Variants in EPHA6 observed in about 807,000 individuals in gnomAD.
EPHA6 encodes the protein ephrin type-A receptor 6.
In EPHA6, 50 loss-of-function variants were observed where a neutral mutation model predicts 112.0. The ratio of observed to expected loss-of-function variants is 0.45; its 90% CI spans 0.36 to 0.56. EPHA6 has a LOEUF of 0.56. EPHA6 is among the 20% of genes least tolerant of loss of function. The pLI is 0.00. For missense variants in EPHA6, 1,280 were observed against 1,417.4 expected (o/e 0.90, Z 1.56); for synonymous variants, 529 against 490.7 (o/e 1.08, Z -1.03).
chr3:97,048,684 A>G (rs975765124), intron 3 of EPHA6, among the ~76,000 whole-genome samples: 4 of 152,218 alleles, frequency 2.6e-5, no homozygotes, highest in Non-Finnish European at 4.4e-5. Context: ...AAAAATTATT[A>G]ATTTAACCAA....
chr3:97,691,560 A>G (rs1419107592), intron 14 of EPHA6, among the ~76,000 whole-genome samples: 2 of 152,318 alleles, frequency 1.3e-5, no homozygotes, highest in East Asian at 3.8e-4. Flanking sequence ...GGTTAGGGAA[A>G]GGGTTACTGA....
chr3:97,213,043 G>A (rs535301141), intron 3 of EPHA6, among the ~76,000 whole-genome samples: 2 of 152,238 alleles, frequency 1.3e-5, no homozygotes, highest in African/African-American at 4.8e-5. Context: ...TAAGTCTTTG[G>A]CATGTTAAAT....
At chr3:97,354,780 A>G (rs2108906718) in intron 5 of EPHA6, among the ~76,000 whole-genome samples, 1 of 152,338 alleles carries the variant, frequency 6.6e-6, no homozygotes, top group Non-Finnish European at 1.5e-5. Context: ...AAGCAGGTTT[A>G]ACCCAAATAA....
At chr3:97,511,757 T>C (rs1345213650) in intron 10 of EPHA6, among the ~76,000 whole-genome samples, 1 of 152,214 alleles carries the variant, frequency 6.6e-6, no homozygotes, top group Non-Finnish European at 1.5e-5. Flanking sequence ...AGCACTTTCA[T>C]TGTTCTTATT....
chr3:97,547,231 A>C (rs930765102), intron 11 of EPHA6, among the ~76,000 whole-genome samples: 1 of 152,164 alleles, frequency 6.6e-6, no homozygotes, highest in East Asian at 1.9e-4. Context: ...GGTGATGTAC[A>C]GATGGGTTTT....
chr3:96,853,202 ATTTTG>A (rs1375089267), intron 1 of EPHA6, among the ~76,000 whole-genome samples: 1 of 151,778 alleles, frequency 6.6e-6, no homozygotes, highest in East Asian at 1.9e-4. Context: ...GTTTTTCAAT[ATTTTG>A]TTTTATTTTC....
Position 97,749,971 on chromosome 3 carries a change from A to G in EPHA6, c.*1270A>G, listed in dbSNP as rs1010108221. Among the ~76,000 whole-genome samples, 3 of 152,178 alleles carry G rather than the reference A, an allele frequency of 2.0e-5. No homozygotes were observed. Among genetic ancestry groups the G allele is most frequent in the Non-Finnish European group, 4.4e-5 (3 of 68,030 alleles). Reference sequence around the variant, plus strand: ...TACAGTTACATAAAAATGAGAACACAGCTGTGTTGTCATAATCTTCTGAGA... The same window carrying G: ...TACAGTTACATAAAAATGAGAACACGGCTGTGTTGTCATAATCTTCTGAGA... On this transcript the variant is annotated 3_prime_UTR_variant, in exon 18 of 18. Transcript: ENST00000389672.
chr3:97,571,357 G>A (rs1448721083), intron 11 of EPHA6, among the ~76,000 whole-genome samples: 1 of 150,936 alleles, frequency 6.6e-6, no homozygotes, highest in Non-Finnish European at 1.5e-5. Flanking sequence ...AGAAGATTCA[G>A]GAGAAAAACC....
At chr3:96,927,474 C>G (rs776717134) in intron 2 of EPHA6, among the ~76,000 whole-genome samples, 4 of 152,152 alleles carry the variant, frequency 2.6e-5, no homozygotes, top group Non-Finnish European at 5.9e-5. Flanking sequence ...AATGTTTTTA[C>G]TCTTTTCTTT....
At chr3:97,439,433 C>T (rs551001011) in intron 6 of EPHA6, among the ~76,000 whole-genome samples, 3 of 152,298 alleles carry the variant, frequency 2.0e-5, no homozygotes, top group African/African-American at 4.8e-5. Flanking sequence ...GAGCACCTTA[C>T]CCACTAGCTT....
At chr3:97,516,954 T>C (rs1304347066) in intron 10 of EPHA6, among the ~76,000 whole-genome samples, 1 of 152,114 alleles carries the variant, frequency 6.6e-6, no homozygotes, top group Non-Finnish European at 1.5e-5. Flanking sequence ...ATATTTATTA[T>C]GTACTAGGTG....
At chr3:97,104,253 G>T (rs1477008368) in intron 3 of EPHA6, among the ~76,000 whole-genome samples, 2 of 152,108 alleles carry the variant, frequency 1.3e-5, no homozygotes, top group African/African-American at 4.8e-5. Context: ...TCCAGCGTTT[G>T]CCCATTCCAT....
intron 2 of EPHA6, among the ~76,000 whole-genome samples, chr3:96,887,539 G>A (rs1428262766): frequency 6.6e-6 from 1 of 152,156 alleles, no homozygotes; most frequent in Non-Finnish European, 1.5e-5. Context: ...TAGCTTTGGT[G>A]GTTTAATGCT....
chr3:97,215,412 A>G (rs1285073561), intron 3 of EPHA6, among the ~76,000 whole-genome samples: 2 of 152,172 alleles, frequency 1.3e-5, no homozygotes, highest in African/African-American at 4.8e-5. Flanking sequence ...TTCTGTGGAT[A>G]ATGAAATTTC....
At chr3:97,422,375 A>G (rs1342460753) in intron 6 of EPHA6, among the ~76,000 whole-genome samples, 5 of 152,150 alleles carry the variant, frequency 3.3e-5, no homozygotes, top group African/African-American at 1.2e-4. Flanking sequence ...CATTAGTAAT[A>G]GGGAAACTGC....
chr3:96,929,067 T>C (rs756610443), intron 2 of EPHA6, among the ~76,000 whole-genome samples: 3 of 152,172 alleles, frequency 2.0e-5, no homozygotes, highest in Non-Finnish European at 4.4e-5. Flanking sequence ...TGGCTTTTTA[T>C]CCAGCTTGAA....
chr3:97,191,944 TGCAA>T (rs1189980494), intron 3 of EPHA6, among the ~76,000 whole-genome samples: 1 of 152,178 alleles, frequency 6.6e-6, no homozygotes, highest in East Asian at 1.9e-4. Flanking sequence ...TTTACATTCC[TGCAA>T]GAGCATATGA....
intron 1 of EPHA6, among the ~76,000 whole-genome samples, chr3:96,845,516 G>GT (rs201010884): frequency 0.015 from 2,210 of 152,040 alleles, 24 homozygotes; most frequent in Non-Finnish European, 0.022. Flanking sequence ...GATTACTGAG[G>GT]TTTTTTGGTT....
intron 3 of EPHA6, among the ~76,000 whole-genome samples, chr3:97,033,001 A>G (rs1291917292): frequency 6.6e-6 from 1 of 151,682 alleles, no homozygotes; most frequent in Admixed American, 6.6e-5. Flanking sequence ...TGGGAATCAG[A>G]GTCACATTAA....
Sources: allele counts gnomAD v4.1 joint callset (sites outside exome capture counted in the v4.1 genomes callset), GRCh38; gene constraint gnomAD v4.1.1; transcripts MANE v1.5; gene names NCBI Gene and HGNC (gene_info 2026-07-23, HGNC 2026-07-21).